The following SDK1 variants were observed in gnomAD, a reference collection of about 807,000 sequenced individuals.
The protein encoded by SDK1 is protein sidekick-1.
Under a neutral mutation model 245.5 loss-of-function variants are expected in SDK1, and 157 were observed. The ratio of observed to expected loss-of-function variants is 0.64; its 90% CI spans 0.56 to 0.73. The LOEUF is 0.73. SDK1 is among the 30% of genes least tolerant of loss of function. The probability of loss-of-function intolerance (pLI) is 0.00; values close to 1 mark genes in which losing one functional copy is unlikely to be tolerated. For synonymous variants in SDK1, 1,647 were observed against 1,278.5 expected, an observed-to-expected ratio of 1.29 and a Z score of -6.15; for missense variants, 3,583 against 3,002.3, an observed-to-expected ratio of 1.19 and a Z score of -4.52.
At chr7:4,095,887 T>A (rs1173766616) in intron 22 of SDK1, among the ~76,000 whole-genome samples, 1 of 152,220 alleles carries the variant, frequency 6.6e-6, no homozygotes, top group African/African-American at 2.4e-5. Flanking sequence ...CTCATTTACT[T>A]CTCAGGGCTA....
intron 4 of SDK1, among the ~76,000 whole-genome samples, chr7:3,804,942 C>T (rs372302081): frequency 1.3e-4 from 20 of 152,174 alleles, no homozygotes; most frequent in African/African-American, 4.8e-4. Context: ...GGAATAAGTT[C>T]AGGAGATCTA....
intron 2 of SDK1, among the ~76,000 whole-genome samples, 196 bp from the exon 3 acceptor site, chr7:3,638,808 A>AT (rs1046484468): frequency 2.0e-5 from 3 of 151,740 alleles, no homozygotes; most frequent in African/African-American, 7.3e-5. Context: ...AAAAAAAAAA[A>AT]GAAATAAATG....
chr7:3,988,149 TTTTTTTTTAC>T (rs1784022388), intron 14 of SDK1, among the ~76,000 whole-genome samples: 1 of 146,848 alleles, frequency 6.8e-6, no homozygotes, highest in African/African-American at 2.5e-5. Flanking sequence ...TTTTTTTTTT[TTTTTTTTTAC>T]CTCACTCCTG....
chr7:3,971,632 T>C (rs1443980903), intron 12 of SDK1, 64 bp downstream of exon 12: 1 of 1,221,516 alleles, frequency 8.2e-7, no homozygotes, highest in African/African-American at 1.5e-5. Flanking sequence ...TGAAGTGAAG[T>C]TGAGATGAGG....
intron 1 of SDK1, among the ~76,000 whole-genome samples, chr7:3,372,117 C>G (rs936085487): frequency 2.0e-5 from 3 of 152,196 alleles, no homozygotes; most frequent in African/African-American, 7.2e-5. Context: ...CCTTAAAAAG[C>G]TACATAAATA....
chr7:4,235,933 C>T (rs1786136821), intron 41 of SDK1, among the ~76,000 whole-genome samples: 1 of 152,250 alleles, frequency 6.6e-6, no homozygotes, highest in Non-Finnish European at 1.5e-5. Context: ...GGGTCAGGCC[C>T]ACTCCGGGCC....
chr7:3,760,878 A>C (rs953859672), intron 4 of SDK1, among the ~76,000 whole-genome samples: 1 of 152,226 alleles, frequency 6.6e-6, no homozygotes, highest in African/African-American at 2.4e-5. Flanking sequence ...TCAACAGTTC[A>C]TTCCTTTTAA....
chr7:4,111,175 C>A (rs770280343), intron 23 of SDK1, among the ~76,000 whole-genome samples: 20 of 152,184 alleles, frequency 1.3e-4, no homozygotes, highest in Non-Finnish European at 2.9e-4. Context: ...GCTCCCCTTC[C>A]CAAGCAGGGC....
At chr7:3,759,700 T>C (rs1346020072) in intron 4 of SDK1, among the ~76,000 whole-genome samples, 1 of 152,036 alleles carries the variant, frequency 6.6e-6, no homozygotes, top group African/African-American at 2.4e-5. Flanking sequence ...CAGGCGATTC[T>C]TCTGCCTCAG....
chr7:4,080,697 G>A (rs548281960), intron 22 of SDK1, among the ~76,000 whole-genome samples: 1 of 152,072 alleles, frequency 6.6e-6, no homozygotes, highest in South Asian at 2.1e-4. Context: ...TCACACACCA[G>A]GGACTGTTGT....
rs549845682 is a variant in SDK1 at position 4,093,624 on chromosome 7, C to G, written c.3324+14040C>G. On this transcript the variant is annotated intron_variant, in intron 22 of 44. Coordinates refer to ENST00000404826, the MANE Select transcript of SDK1 (RefSeq NM_152744.4). ...CTAAAGAGTAGTGGAGATGGAGCAG[C>G]CGGGCGCCCAGGCGTCCCCAGGACG... is the stretch of plus-strand genomic sequence containing the variant. Among the ~76,000 whole-genome samples, 3 of 152,292 alleles carry G rather than the reference C, an allele frequency of 2.0e-5. No individual in the cohort carries two copies. In the South Asian group the frequency reaches 6.2e-4, roughly 32 times the overall value.
intron 5 of SDK1, among the ~76,000 whole-genome samples, chr7:3,859,562 C>T (rs1366427209): frequency 2.0e-5 from 3 of 152,128 alleles, no homozygotes; most frequent in African/African-American, 7.2e-5. Flanking sequence ...CATCCCAAAC[C>T]AAGATGGCAG....
rs545317196 is a variant in SDK1 at position 4,139,026 on chromosome 7, G to T, written c.4228+6603G>T. ...AACAGCCCTTAGCCAACCGCTGAGA[G>T]GCAGTGGGCGCACACTGCAGCTCCC... On this transcript the variant is annotated intron_variant, in intron 28 of 44. Transcript: ENST00000404826. Among the ~76,000 whole-genome samples the T allele has an allele frequency of 1.7e-4, 26 of 152,368 alleles. No individual in the cohort carries two copies. In the South Asian group the frequency reaches 4.8e-3, roughly 28 times the overall value.
intron 4 of SDK1, among the ~76,000 whole-genome samples, chr7:3,693,422 T>C (rs1784487625): frequency 6.6e-6 from 1 of 152,200 alleles, no homozygotes; most frequent in Non-Finnish European, 1.5e-5. Context: ...AGGATTTTGA[T>C]TCGAATTACA....
chr7:3,353,038 C>T (rs563802754), intron 1 of SDK1, among the ~76,000 whole-genome samples: 111 of 152,232 alleles, frequency 7.3e-4, no homozygotes, highest in African/African-American at 2.5e-3. Context: ...CATATCCCAC[C>T]GTGTCATTAG....
intron 5 of SDK1, among the ~76,000 whole-genome samples, chr7:3,910,890 G>T (rs991494398): frequency 2.6e-5 from 4 of 152,132 alleles, no homozygotes; most frequent in African/African-American, 9.7e-5. Context: ...CATAAATGTG[G>T]CCCACGCTGT....
At chr7:4,107,161 T>TGGGGAGGGTGGGGAGGGTGGGGAGGGG (rs1782985548) in intron 22 of SDK1, among the ~76,000 whole-genome samples, 1 of 6,580 alleles carries the variant, frequency 1.5e-4, no homozygotes, top group Non-Finnish European at 3.3e-4. Context: ...GTGGGGAGGG[T>TGGGGAGGGTGGGGAGGGTGGGGAGGGG]GGGGCTGCAG....
chr7:3,638,535 C>CA lies in SDK1; in HGVS notation c.459-463dup, dbSNP rs563458464. 1.6e-4 allele frequency among the ~76,000 whole-genome samples: 24 copies of CA among 147,258 alleles called. No individual in the cohort carries two copies. The South Asian group carries it at 4.7e-3, about 29-fold the overall frequency. ...CATTCTCAGCAAACTAACACAAGGACAAAAAACCAAACACCGCATGTTCTC... is the reference window on the plus strand; with the variant it reads ...CATTCTCAGCAAACTAACACAAGGACAAAAAAACCAAACACCGCATGTTCTC... On this transcript the variant is annotated intron_variant, in intron 2 of 44. Coordinates refer to ENST00000404826, the MANE Select transcript of SDK1 (RefSeq NM_152744.4).
chr7:3,989,628 G>T (rs909234589), intron 14 of SDK1, among the ~76,000 whole-genome samples: 2 of 152,082 alleles, frequency 1.3e-5, no homozygotes, highest in Non-Finnish European at 2.9e-5. Context: ...TGCACTCTCG[G>T]GTACCCTCCC....
Sources: gnomAD v4.1 joint callset for allele counts (sites outside exome capture counted in the v4.1 genomes callset) on GRCh38, gnomAD v4.1.1 for gene constraint, MANE v1.5 for transcripts, NCBI Gene and HGNC (gene_info 2026-07-23, HGNC 2026-07-21) for gene names.